The following KCNH1 variants were observed in gnomAD, a reference collection of about 807,000 sequenced individuals.
KCNH1 encodes the protein potassium voltage-gated channel subfamily H member 1.
KCNH1 carries 27 observed loss-of-function variants against 69.2 expected under a neutral mutation model. That is an observed-to-expected ratio of 0.39 (90% confidence interval 0.29 to 0.54). The LOEUF (loss-of-function observed/expected upper bound fraction) is 0.54. KCNH1 is among the 20% of genes least tolerant of loss of function. The probability of loss-of-function intolerance (pLI) is 0.68; values close to 1 mark genes in which losing one functional copy is unlikely to be tolerated. For missense variants in KCNH1, 798 were observed against 1,261.6 expected (o/e 0.63, Z 5.57); for synonymous variants, 456 against 487.7 (o/e 0.93, Z 0.86).
chr1:210,997,622 G>C (rs1387253045), intron 6 of KCNH1, among the ~76,000 whole-genome samples: 1 of 152,164 alleles, frequency 6.6e-6, no homozygotes, highest in Admixed American at 6.5e-5. Flanking sequence ...CCCCAATTTA[G>C]CACGACAGGC....
intron 1 of KCNH1, among the ~76,000 whole-genome samples, chr1:211,112,285 C>A (rs1458177947): frequency 7.3e-6 from 1 of 137,136 alleles, no homozygotes; most frequent in Non-Finnish European, 1.6e-5. Context: ...TCCCCCACCG[C>A]CCACCCCCCT....
chr1:211,088,448 C>A (rs775019266), intron 4 of KCNH1, among the ~76,000 whole-genome samples: 3 of 152,156 alleles, frequency 2.0e-5, no homozygotes, highest in Non-Finnish European at 2.9e-5. Context: ...AGTTTATAGA[C>A]TTAAAATAAC....
At chr1:210,863,045 G>A (rs1686014605) in intron 7 of KCNH1, among the ~76,000 whole-genome samples, 1 of 152,160 alleles carries the variant, frequency 6.6e-6, no homozygotes, top group Non-Finnish European at 1.5e-5. Flanking sequence ...TGTGTTAGAA[G>A]GTTCAGGAAG....
intron 7 of KCNH1, among the ~76,000 whole-genome samples, chr1:210,874,418 T>C (rs937422567): frequency 6.6e-6 from 1 of 152,222 alleles, no homozygotes; most frequent in Non-Finnish European, 1.5e-5. Flanking sequence ...CCTAGAAATA[T>C]AAGAAGTGGC....
intron 7 of KCNH1, among the ~76,000 whole-genome samples, chr1:210,823,482 CTG>C (rs1340023291): frequency 6.6e-6 from 1 of 152,184 alleles, no homozygotes; most frequent in Non-Finnish European, 1.5e-5. Context: ...TGCTCTCTCC[CTG>C]TGTTTTTCTT....
At chr1:210,982,903 C>T (rs1688742557) in intron 6 of KCNH1, among the ~76,000 whole-genome samples, 2 of 152,182 alleles carry the variant, frequency 1.3e-5, no homozygotes, top group African/African-American at 4.8e-5. Flanking sequence ...AAAAGTGTTC[C>T]TATTTCTCCA....
intron 6 of KCNH1, among the ~76,000 whole-genome samples, chr1:211,017,063 T>C (rs1160388366): frequency 6.6e-6 from 1 of 152,126 alleles, no homozygotes; most frequent in African/African-American, 2.4e-5. Flanking sequence ...AATTAGTCTT[T>C]GGGATTTTAA....
chr1:210,694,139 T>TCTGA (rs1330961921), intron 10 of KCNH1, among the ~76,000 whole-genome samples: 4 of 152,146 alleles, frequency 2.6e-5, no homozygotes, highest in African/African-American at 9.7e-5. Context: ...GCCCCTTCAC[T>TCTGA]CTGACAGTGC....
intron 7 of KCNH1, among the ~76,000 whole-genome samples, chr1:210,890,273 G>A (rs1036638237): frequency 1.3e-5 from 2 of 152,150 alleles, no homozygotes; most frequent in Non-Finnish European, 2.9e-5. Flanking sequence ...TGACACATCT[G>A]ACAAAAACAA....
intron 6 of KCNH1, among the ~76,000 whole-genome samples, chr1:210,986,127 A>G (rs1304457823): frequency 2.2e-4 from 34 of 151,906 alleles, no homozygotes; most frequent in Non-Finnish European, 3.8e-4. Flanking sequence ...TTTGTTCTCC[A>G]TTTGCTTAGT....
At chr1:210,850,341 A>T (rs1001131198) in intron 7 of KCNH1, among the ~76,000 whole-genome samples, 11 of 150,714 alleles carry the variant, frequency 7.3e-5, no homozygotes, top group African/African-American at 2.2e-4. Flanking sequence ...CTACTGAAGA[A>T]AAAAAAAATA....
chr1:210,703,466 C>A (rs143573929), intron 10 of KCNH1, among the ~76,000 whole-genome samples: 317 of 152,274 alleles, frequency 2.1e-3, no homozygotes, highest in African/African-American at 7.5e-3. Flanking sequence ...GATTTCTCAT[C>A]TATAAAATAG....
chr1:210,715,192 T>G (rs1682197281), intron 10 of KCNH1, among the ~76,000 whole-genome samples: 1 of 152,208 alleles, frequency 6.6e-6, no homozygotes, highest in Non-Finnish European at 1.5e-5. Flanking sequence ...CCACCCACTC[T>G]GACAGGCTGC....
At chr1:210,728,490 T>C (rs1356956522) in intron 10 of KCNH1, among the ~76,000 whole-genome samples, 1 of 152,136 alleles carries the variant, frequency 6.6e-6, no homozygotes, top group Non-Finnish European at 1.5e-5. Flanking sequence ...AAACATGACT[T>C]AGAATTAACG....
intron 3 of KCNH1, among the ~76,000 whole-genome samples, chr1:211,093,448 G>C (rs1333287493): frequency 6.6e-6 from 1 of 152,070 alleles, no homozygotes; most frequent in South Asian, 2.1e-4. Flanking sequence ...ACCACACCTG[G>C]CTAATTTTTG....
intron 5 of KCNH1, among the ~76,000 whole-genome samples, chr1:211,031,837 T>C (rs1689791066): frequency 6.6e-6 from 1 of 152,106 alleles, no homozygotes; most frequent in African/African-American, 2.4e-5. Flanking sequence ...AGCATTCCCT[T>C]TGAAAACTGG....
rs372738116 is a variant in KCNH1 at position 210,871,603 on chromosome 1, G to A, written c.1462+48037C>T. 3.2e-4 allele frequency among the ~76,000 whole-genome samples: 49 copies of A among 152,114 alleles called. No individual in the cohort carries two copies. The South Asian group carries it at 3.5e-3, about 11-fold the overall frequency. ...TGCTGCTATAAAGACACATGCACACGTATGTTTATTGCGGCATTATTCACA... is the reference window on the plus strand; with the variant it reads ...TGCTGCTATAAAGACACATGCACACATATGTTTATTGCGGCATTATTCACA... On this transcript the variant is annotated intron_variant, in intron 7 of 10. Coordinates refer to ENST00000271751, the MANE Select transcript of KCNH1 (RefSeq NM_172362.3).
chr1:211,066,802 A>G (rs1383070224), intron 5 of KCNH1, among the ~76,000 whole-genome samples: 1 of 152,230 alleles, frequency 6.6e-6, no homozygotes, highest in African/African-American at 2.4e-5. Flanking sequence ...TCAGCACACT[A>G]TCCCTGTAAC....
At chr1:210,716,431 C>CAAAAGAAAAAAA (rs1682251076) in intron 10 of KCNH1, among the ~76,000 whole-genome samples, 1 of 91,978 alleles carries the variant, frequency 1.1e-5, no homozygotes, top group African/African-American at 4.8e-5. Flanking sequence ...GACTCCGTCT[C>CAAAAGAAAAAAA]AAAAAAAAAA....
Sources: gnomAD v4.1 joint callset for allele counts (sites outside exome capture counted in the v4.1 genomes callset) on GRCh38, gnomAD v4.1.1 for gene constraint, MANE v1.5 for transcripts, NCBI Gene and HGNC (gene_info 2026-07-23, HGNC 2026-07-21) for gene names.